The following ITGA9 variants were observed in gnomAD, a reference collection of about 807,000 sequenced individuals.
ITGA9 encodes the protein integrin alpha-9.
Under a neutral mutation model 127.8 loss-of-function variants are expected in ITGA9, and 56 were observed. The ratio of observed to expected loss-of-function variants is 0.44; its 90% confidence interval spans 0.35 to 0.55. The LOEUF (loss-of-function observed/expected upper bound fraction) is 0.55. ITGA9 is among the 20% of genes least tolerant of loss of function. The probability of loss-of-function intolerance (pLI) is 0.00; values close to 1 mark genes in which losing one functional copy is unlikely to be tolerated. For synonymous variants in ITGA9, 508 were observed against 514.5 expected (o/e 0.99, Z 0.17); for missense variants, 1,196 against 1,347.1 (o/e 0.89, Z 1.76).
chr3:37,750,434 A>G (rs1263565553), intron 22 of ITGA9, 28 bp from the exon 23 acceptor site: 5 of 1,325,412 alleles, frequency 3.8e-6, no homozygotes, highest in Non-Finnish European at 5.5e-6. Flanking sequence ...TTCCACTGAG[A>G]CTTGCTGTGT....
At chr3:37,601,077 G>A (rs1699918439) in intron 15 of ITGA9, among the ~76,000 whole-genome samples, 1 of 152,128 alleles carries the variant, frequency 6.6e-6, no homozygotes, top group African/African-American at 2.4e-5. Flanking sequence ...TGGGTCTTTG[G>A]GATCCCTCTC....
intron 26 of ITGA9, among the ~76,000 whole-genome samples, chr3:37,794,157 C>A (rs1697145561): frequency 6.6e-6 from 1 of 152,214 alleles, no homozygotes; most frequent in Non-Finnish European, 1.5e-5. Context: ...TCCTGTCACT[C>A]TGACATCACC....
chr3:37,810,126 A>T (rs1281609301), intron 27 of ITGA9, among the ~76,000 whole-genome samples: 1 of 152,216 alleles, frequency 6.6e-6, no homozygotes, highest in Non-Finnish European at 1.5e-5. Context: ...CTTCTAGAGT[A>T]GCTCTTGGCA....
chr3:37,479,851 G>A (rs1435436723), intron 3 of ITGA9, among the ~76,000 whole-genome samples: 1 of 152,166 alleles, frequency 6.6e-6, no homozygotes, highest in African/African-American at 2.4e-5. Context: ...TGGTGCTCTT[G>A]TACAGAAAAT....
At chr3:37,479,596 T>C (rs947770172) in intron 3 of ITGA9, among the ~76,000 whole-genome samples, 4 of 152,216 alleles carry the variant, frequency 2.6e-5, no homozygotes, top group Non-Finnish European at 5.9e-5. Flanking sequence ...ACGTGGGGCA[T>C]TCCATTCGAC....
chr3:37,490,966 T>TC (rs10624727), intron 4 of ITGA9, among the ~76,000 whole-genome samples: 1,319 of 108,678 alleles, frequency 0.012, 55 homozygotes, highest in Non-Finnish European at 0.014. Flanking sequence ...AGATTTGGCT[T>TC]CCCCCCCGCT....
chr3:37,617,335 G>C (rs1339117906), intron 15 of ITGA9, among the ~76,000 whole-genome samples: 3 of 152,240 alleles, frequency 2.0e-5, no homozygotes, highest in Non-Finnish European at 4.4e-5. Context: ...GAGATCCACT[G>C]TTAGTCTGAT....
intron 16 of ITGA9, among the ~76,000 whole-genome samples, chr3:37,648,345 T>C (rs1022622310): frequency 9.2e-5 from 14 of 152,138 alleles, no homozygotes; most frequent in African/African-American, 3.4e-4. Flanking sequence ...AAAGTATTGA[T>C]GGAAACAGTG....
chr3:37,580,243 G>A (rs1342171584), intron 15 of ITGA9, among the ~76,000 whole-genome samples: 1 of 152,154 alleles, frequency 6.6e-6, no homozygotes, highest in Non-Finnish European at 1.5e-5. Flanking sequence ...ACTTGTGTCA[G>A]TACTTCATGT....
Position 37,721,776 on chromosome 3 carries a change from T to C in ITGA9, c.2068-10936T>C, listed in dbSNP as rs937846495. Among the ~76,000 whole-genome samples, 3 of 152,312 alleles carry C rather than the reference T, an allele frequency of 2.0e-5. No homozygotes were observed. The East Asian group carries it at 5.8e-4, about 29-fold the overall frequency. The stretch of plus-strand genomic sequence containing the variant: ...ACTGTGTGCTCCAGTTCCTTAAGGA[T>C]ACTTTTAGTTTATCTGATCTGTGCT... On this transcript the variant is annotated intron_variant, in intron 18 of 27. Transcript: ENST00000264741.
chr3:37,757,530 G>A (rs999686575), intron 23 of ITGA9, among the ~76,000 whole-genome samples: 1 of 151,536 alleles, frequency 6.6e-6, no homozygotes, highest in African/African-American at 2.4e-5. Flanking sequence ...CCAGGCATGT[G>A]GCATAAACTA....
chr3:37,584,379 G>A (rs1230574173), intron 15 of ITGA9, among the ~76,000 whole-genome samples: 1 of 152,152 alleles, frequency 6.6e-6, no homozygotes, highest in Non-Finnish European at 1.5e-5. Flanking sequence ...CATCAGTAGA[G>A]TGGGGAAATA....
At chr3:37,650,080 A>T (rs1700415661) in intron 16 of ITGA9, among the ~76,000 whole-genome samples, 1 of 152,184 alleles carries the variant, frequency 6.6e-6, no homozygotes, top group Admixed American at 6.5e-5. Context: ...CTGCAAGTTG[A>T]TGTGGCAGTC....
intron 16 of ITGA9, among the ~76,000 whole-genome samples, chr3:37,641,880 G>A (rs1700337294): frequency 6.6e-6 from 1 of 152,150 alleles, no homozygotes; most frequent in Non-Finnish European, 1.5e-5. Flanking sequence ...TTAGGTCTCA[G>A]CCTAAATGTT....
chr3:37,662,328 G>A (rs1167603054), intron 17 of ITGA9, among the ~76,000 whole-genome samples: 1 of 152,070 alleles, frequency 6.6e-6, no homozygotes, highest in Non-Finnish European at 1.5e-5. Context: ...ACTTGAGCCT[G>A]GGAAGCAGAG....
intron 12 of ITGA9, among the ~76,000 whole-genome samples, chr3:37,525,708 C>G (rs751819977): frequency 3.7e-4 from 56 of 152,118 alleles, no homozygotes; most frequent in Non-Finnish European, 8.1e-4. Flanking sequence ...AACATATAAT[C>G]AATATGAAAG....
intron 18 of ITGA9, among the ~76,000 whole-genome samples, chr3:37,689,718 C>G (rs1429670432): frequency 6.6e-6 from 1 of 152,206 alleles, no homozygotes; most frequent in Non-Finnish European, 1.5e-5. Context: ...AGTGGTGTCC[C>G]TGGAGATGTA....
intron 17 of ITGA9, among the ~76,000 whole-genome samples, chr3:37,673,682 C>T (rs1212980107): frequency 6.6e-6 from 1 of 152,166 alleles, no homozygotes; most frequent in Admixed American, 6.5e-5. Flanking sequence ...ACCTGGTTCC[C>T]CATTTTAATC....
chr3:37,749,091 A>C, intron 22 of ITGA9: 1 of 290,878 alleles, frequency 3.4e-6, no homozygotes, highest in Non-Finnish European at 6.3e-6. Flanking sequence ...GAAGTCCAAA[A>C]TGGGCCCCGC....
Sources: gnomAD v4.1 joint callset for allele counts (sites outside exome capture counted in the v4.1 genomes callset) on GRCh38, gnomAD v4.1.1 for gene constraint, MANE v1.5 for transcripts, NCBI Gene and HGNC (gene_info 2026-07-23, HGNC 2026-07-21) for gene names.